SGCD: variants seen among roughly 807,000 people sequenced by gnomAD.
The protein encoded by SGCD is sarcoglycan delta.
Under a neutral mutation model 36.6 loss-of-function variants are expected in SGCD, and 18 were observed. The observed-to-expected ratio is 0.49, with a 90% CI of 0.34 to 0.73. The LOEUF (loss-of-function observed/expected upper bound fraction) is 0.73, where lower values mean the gene tolerates loss of function less well. Ranked by LOEUF, SGCD falls within the 30% of genes least tolerant of loss-of-function variation. The pLI is 0.01. For missense variants in SGCD, 387 were observed against 346.7 expected (o/e 1.12, Z -0.92); for synonymous variants, 133 against 130.6 (o/e 1.02, Z -0.12).
chr5:156,007,113 G>T, intron 1 of SGCD, among the ~76,000 whole-genome samples: 1 of 152,160 alleles, frequency 6.6e-6, no homozygotes, highest in South Asian at 2.1e-4. Context: ...GGTCTATTCC[G>T]CAGGATCCTC....
intron 1 of SGCD, among the ~76,000 whole-genome samples, chr5:155,910,958 C>T (rs1756616126): frequency 6.6e-6 from 1 of 152,036 alleles, no homozygotes; most frequent in African/African-American, 2.4e-5. Context: ...ATTTCAGGGC[C>T]TCATTTGGTA....
intron 3 of SGCD, among the ~76,000 whole-genome samples, chr5:156,374,662 C>CTTTT (rs34441102): frequency 1.7e-4 from 23 of 134,528 alleles, no homozygotes; most frequent in African/African-American, 6.4e-4. Flanking sequence ...GCAACCCTGT[C>CTTTT]TTTTTTTTTT....
chr5:156,334,232 C>T (rs114493281), intron 2 of SGCD, among the ~76,000 whole-genome samples: 3,132 of 152,068 alleles, frequency 0.021, 107 homozygotes, highest in African/African-American at 0.071. Context: ...TAGAAAGCAC[C>T]GATCTTGTAC....
At chr5:156,596,369 C>T (rs1216027601) in intron 6 of SGCD, among the ~76,000 whole-genome samples, 1 of 152,056 alleles carries the variant, frequency 6.6e-6, no homozygotes, top group African/African-American at 2.4e-5. Flanking sequence ...TCTGTGCCTG[C>T]TTGCTTACCT....
chr5:156,444,045 T>C (rs1753620726), intron 3 of SGCD, among the ~76,000 whole-genome samples: 1 of 146,572 alleles, frequency 6.8e-6, no homozygotes, highest in Non-Finnish European at 1.5e-5. Context: ...CCAGCACGCT[T>C]TGGAGACTCT....
In SGCD at chr5:156,053,340, G is replaced by A. The variant is rs555040870; in HGVS notation, c.-281-64538G>A. ...TGGACAGAGGGCAGCAGCTGTCACT[G>A]CTCAGTGACAGGGAAGCCGAAGGTG... On this transcript the variant is annotated intron_variant, in intron 1 of 9. Coordinates refer to the SGCD transcript ENST00000517913. 3.4e-4 allele frequency among the ~76,000 whole-genome samples: 50 copies of A among 146,036 alleles called. 9 individuals carry two copies. The highest frequency in any genetic ancestry group is 6.1e-4 in the Admixed American group (9 of 14,648).
At chr5:156,544,607 A>G (rs910874357) in intron 4 of SGCD, among the ~76,000 whole-genome samples, 3 of 151,192 alleles carry the variant, frequency 2.0e-5, no homozygotes, top group African/African-American at 4.9e-5. Flanking sequence ...GTTTTTTTAG[A>G]AGGCCAATTA....
chr5:156,433,229 C>T (rs939356764), intron 3 of SGCD, among the ~76,000 whole-genome samples: 4 of 152,286 alleles, frequency 2.6e-5, no homozygotes, highest in Admixed American at 6.5e-5. Context: ...TCTCTGTTCT[C>T]GCTGTCATCA....
chr5:155,818,350 C>T, the SGCD span, among the ~76,000 whole-genome samples: 2 of 151,926 alleles, frequency 1.3e-5, no homozygotes, highest in Non-Finnish European at 2.9e-5. Flanking sequence ...AGAGGCAGGT[C>T]AGAGCAACAG....
chr5:156,754,680 G>A (rs1757272793), intron 7 of SGCD, among the ~76,000 whole-genome samples: 1 of 152,182 alleles, frequency 6.6e-6, no homozygotes, highest in Non-Finnish European at 1.5e-5. Flanking sequence ...GTATAACCAT[G>A]AGCAAGTCAC....
At chr5:156,749,540 T>C (rs961630748) in intron 7 of SGCD, among the ~76,000 whole-genome samples, 3 of 152,070 alleles carry the variant, frequency 2.0e-5, no homozygotes, top group Non-Finnish European at 4.4e-5. Flanking sequence ...GAAAAAAATA[T>C]GTGGGACAAA....
intron 1 of SGCD, among the ~76,000 whole-genome samples, chr5:155,928,225 A>T (rs192873086): frequency 6.6e-6 from 1 of 152,174 alleles, no homozygotes; most frequent in Admixed American, 6.5e-5. Flanking sequence ...AAGGTCCTTT[A>T]TAGTCACGGA....
chr5:156,541,996 G>A (rs115748949), intron 4 of SGCD, among the ~76,000 whole-genome samples: 2,650 of 152,190 alleles, frequency 0.017, 30 homozygotes, highest in Non-Finnish European at 0.029. Flanking sequence ...TCTGTTGAAT[G>A]TTCATTATAT....
At chr5:156,222,926 T>G (rs181963353) in intron 3 of SGCD, among the ~76,000 whole-genome samples, 3 of 152,254 alleles carry the variant, frequency 2.0e-5, no homozygotes, top group African/African-American at 7.2e-5. Flanking sequence ...GATTTATTGT[T>G]TTAAAGATGG....
At position 156,315,726 on chromosome 5, in the gene SGCD, A is replaced by AT. The variant is rs1581238081; in HGVS notation, c.-43-13802dup. 2.6e-5 allele frequency among the ~76,000 whole-genome samples: 4 copies of AT among 151,860 alleles called. No individual in the cohort carries two copies. The East Asian group carries it at 7.7e-4, about 29-fold the overall frequency. ...TACATCCTTGCCAATGCATATATAT[A>AT]TTTTTTGTCTTTTTGATAGTAGCCA... On this transcript the variant is annotated intron_variant, in intron 3 of 9. Coordinates refer to the SGCD transcript ENST00000517913.
chr5:156,612,120 A>C (rs1761839018), intron 6 of SGCD, among the ~76,000 whole-genome samples: 1 of 152,096 alleles, frequency 6.6e-6, no homozygotes, highest in Non-Finnish European at 1.5e-5. Context: ...GTGTTCTTTT[A>C]GAGGTGTTGT....
upstream of SGCD, among the ~76,000 whole-genome samples, chr5:155,869,717 C>T (rs576804906): frequency 7.2e-5 from 11 of 151,942 alleles, no homozygotes; most frequent in African/African-American, 2.2e-4. Flanking sequence ...AACTGTCCTG[C>T]GGGCCGGGCA....
intron 3 of SGCD, among the ~76,000 whole-genome samples, chr5:156,312,760 A>G (rs1363237135): frequency 3.3e-5 from 5 of 152,176 alleles, no homozygotes; most frequent in Admixed American, 3.3e-4. Context: ...ATTAAGTAAT[A>G]CATGAAAAGC....
intron 6 of SGCD, among the ~76,000 whole-genome samples, chr5:156,642,759 G>A (rs1456049775): frequency 2.0e-5 from 3 of 151,882 alleles, no homozygotes; most frequent in African/African-American, 2.4e-5. Flanking sequence ...GAGCCACTGC[G>A]CCTGGCCCAG....
Sources: gnomAD v4.1 joint callset for allele counts (sites outside exome capture counted in the v4.1 genomes callset) on GRCh38, gnomAD v4.1.1 for gene constraint, MANE v1.5 for transcripts, NCBI Gene and HGNC (gene_info 2026-07-23, HGNC 2026-07-21) for gene names.